CYSLTR2: variants seen among roughly 807,000 people sequenced by gnomAD.
The protein encoded by CYSLTR2 is G-protein coupled receptor GPCR21.
For missense variants in CYSLTR2, 398 were observed against 411.9 expected, an observed-to-expected ratio of 0.97 and a Z score of 0.29; for synonymous variants, 179 against 160.8, an observed-to-expected ratio of 1.11 and a Z score of -0.86.
At chr13:48,692,557 A>C (rs1210015733) in intron 2 of CYSLTR2, among the ~76,000 whole-genome samples, 7 of 151,454 alleles carry the variant, frequency 4.6e-5, no homozygotes, top group Non-Finnish European at 8.9e-5. Context: ...AGATAAAATA[A>C]TATGTATGTC....
rs180795456 is a variant in CYSLTR2 at position 48,703,893 on chromosome 13, A to T, written c.-1-2924A>T. Among the ~76,000 whole-genome samples, 219 of 152,278 alleles carry T rather than the reference A, an allele frequency of 1.4e-3. 1 individual carries two copies. Among genetic ancestry groups the T allele is most frequent in the Non-Finnish European group, 1.6e-3 (108 of 68,008 alleles). ...TTTTTTGAGAGTTTTTCAATTGAGAATTTAATTTCCTTAATAGTTATGGGG... is the reference window on the plus strand; with the variant it reads ...TTTTTTGAGAGTTTTTCAATTGAGATTTTAATTTCCTTAATAGTTATGGGG... On this transcript the variant is annotated intron_variant, in intron 4 of 4. Coordinates refer to ENST00000682523, the MANE Select transcript of CYSLTR2 (RefSeq NM_001308476.3).
At chr13:48,674,792 T>A (rs980039436) in intron 1 of CYSLTR2, among the ~76,000 whole-genome samples, 1 of 152,176 alleles carries the variant, frequency 6.6e-6, no homozygotes, top group African/African-American at 2.4e-5. Flanking sequence ...CTGGTGACCT[T>A]TGGATGGGAT....
intron 1 of CYSLTR2, among the ~76,000 whole-genome samples, chr13:48,675,966 C>T (rs559380867): frequency 2.0e-4 from 31 of 152,210 alleles, no homozygotes; most frequent in South Asian, 6.2e-4. Flanking sequence ...GCTCACCCCC[C>T]ATGGGCTGTG....
chr13:48,709,786 A>G lies in CYSLTR2; in HGVS notation c.*1928A>G, dbSNP rs1954593294. 6.6e-6 allele frequency: 1 copy of G among 152,194 alleles called. No individual in the cohort carries two copies. Among genetic ancestry groups the G allele is most frequent in the Admixed American group, 6.5e-5 (1 of 15,274 alleles). The allele number at this position is 152,194 out of a possible 1,614,324, so 9.4% of individuals were successfully genotyped here. On this transcript the variant is annotated 3_prime_UTR_variant, in exon 5 of 5. Transcript: ENST00000682523. ...TAGAGGAAAACACAGTAGCTGGGAA[A>G]CAAGGAATCCAACGCAGGAGAAAGT... is the stretch of plus-strand genomic sequence containing the variant.
chr13:48,700,384 T>A (rs543628159), intron 4 of CYSLTR2, among the ~76,000 whole-genome samples: 1 of 152,228 alleles, frequency 6.6e-6, no homozygotes, highest in Non-Finnish European at 1.5e-5. Flanking sequence ...TCAATAAACG[T>A]AATCCATCAT....
chr13:48,674,350 A>C (rs979668453), intron 1 of CYSLTR2, among the ~76,000 whole-genome samples: 1 of 151,990 alleles, frequency 6.6e-6, no homozygotes, highest in African/African-American at 2.4e-5. Context: ...TCTTGTCTTC[A>C]TGCTTTATTT....
At chr13:48,703,369 G>A (rs1051645581) in intron 4 of CYSLTR2, among the ~76,000 whole-genome samples, 33 of 152,280 alleles carry the variant, frequency 2.2e-4, no homozygotes, top group African/African-American at 7.5e-4. Context: ...ATAAGACAGT[G>A]AGAATGGGCA....
rs1230105823 is a variant in CYSLTR2 at position 48,710,698 on chromosome 13, T to C, written c.*2840T>C. 2 of 152,208 alleles carry C rather than the reference T, an allele frequency of 1.3e-5. No individual in the cohort carries two copies. Among genetic ancestry groups the C allele is most frequent in the African/African-American group, 4.8e-5 (2 of 41,438 alleles). 9.4% of individuals were successfully genotyped at this position (152,208 alleles called of 1,614,324 possible). A position where few individuals can be genotyped will look rare whatever the true frequency, so the allele number is the denominator to read the frequency against. On this transcript the variant is annotated 3_prime_UTR_variant, in exon 5 of 5. Coordinates refer to ENST00000682523, the MANE Select transcript of CYSLTR2 (RefSeq NM_001308476.3). The stretch of plus-strand genomic sequence containing the variant: ...CACCACAAGCTGCAAAAATTATTTA[T>C]TACACCCCACGGTGTGTGATAAACA...
Position 48,710,398 on chromosome 13 carries a change from C to T in CYSLTR2, c.*2540C>T, listed in dbSNP as rs1281314564. 1 of 152,158 alleles carries T rather than the reference C, an allele frequency of 6.6e-6. No individual in the cohort carries two copies. Among genetic ancestry groups the T allele is most frequent in the East Asian group, 1.9e-4 (1 of 5,198 alleles). 9.4% of individuals were successfully genotyped at this position (152,158 alleles called of 1,614,324 possible). A position where few individuals can be genotyped will look rare whatever the true frequency, so the allele number is the denominator to read the frequency against. On this transcript the variant is annotated 3_prime_UTR_variant, in exon 5 of 5. Coordinates refer to ENST00000682523, the MANE Select transcript of CYSLTR2 (RefSeq NM_001308476.3). Reference sequence around the variant, plus strand: ...GAGTCACTTAGTCATCATCCAGTTGCTCAGATCAACTGTTGTGGTATAACA... The same window carrying T: ...GAGTCACTTAGTCATCATCCAGTTGTTCAGATCAACTGTTGTGGTATAACA...
chr13:48,656,313 T>C (rs1952996336), intron 1 of CYSLTR2, among the ~76,000 whole-genome samples: 1 of 152,236 alleles, frequency 6.6e-6, no homozygotes, highest in African/African-American at 2.4e-5. Flanking sequence ...ATCTGAGTTT[T>C]GTACATTATT....
At position 48,707,565 on chromosome 13, in the gene CYSLTR2, A is replaced by T; in HGVS notation, c.748A>T (p.Ile250Phe). Residue 250 changes from isoleucine to phenylalanine, a missense_variant, in exon 5 of 5, where the codon ATC becomes TTC. Ile to Phe is a conservative substitution (Grantham distance 21). Coordinates refer to ENST00000682523, the MANE Select transcript of CYSLTR2 (RefSeq NM_001308476.3). ...VSHRKALTTIIITLIIFFLCF... is the reference protein window; with the variant it reads ...VSHRKALTTIFITLIIFFLCF... ...TCACAGGAAGGCACTGACCACCATC[A>T]TCATCACCTTGATCATCTTCTTCTT... 1 of 1,608,664 alleles carries T rather than the reference A, an allele frequency of 6.2e-7. No individual in the cohort carries two copies. Among genetic ancestry groups the T allele is most frequent in the Non-Finnish European group, 8.5e-7 (1 of 1,179,996 alleles).
Position 48,707,511 on chromosome 13 carries a change from G to A in CYSLTR2, c.694G>A (p.Glu232Lys). 2 of 1,611,216 alleles carry A rather than the reference G, an allele frequency of 1.2e-6. No individual in the cohort carries two copies. Among genetic ancestry groups the A allele is most frequent in the Non-Finnish European group, 1.7e-6 (2 of 1,180,016 alleles). Residue 232 changes from glutamate to lysine, a missense_variant, in exon 5 of 5, where the codon GAG becomes AAG. By Grantham distance (56) the Glu-to-Lys change is moderately conservative. Coordinates refer to ENST00000682523, the MANE Select transcript of CYSLTR2 (RefSeq NM_001308476.3). ...LLIIRVLLKV[E>K]VPESGLRVSH... ...GATCATTCGGGTTCTGTTAAAAGTG[G>A]AGGTCCCAGAATCGGGGCTGCGGGT...
intron 1 of CYSLTR2, among the ~76,000 whole-genome samples, chr13:48,657,661 T>A (rs964025284): frequency 1.3e-5 from 2 of 151,826 alleles, no homozygotes; most frequent in African/African-American, 4.8e-5. Flanking sequence ...AAATAAGAAT[T>A]TATTATAAAA....
In CYSLTR2 at chr13:48,680,562, G is replaced by T. The variant is rs184433357; in HGVS notation, c.-265-10650G>T. Among the ~76,000 whole-genome samples, 4 of 152,284 alleles carry T rather than the reference G, an allele frequency of 2.6e-5. No homozygotes were observed. The East Asian group carries it at 7.7e-4, about 29-fold the overall frequency. The stretch of plus-strand genomic sequence containing the variant: ...AATTACCAGCAAAGCTGCAGGAGAT[G>T]AAGTCTTCATTCTGTATTTGTTCTG... On this transcript the variant is annotated intron_variant, in intron 1 of 4. Coordinates refer to ENST00000682523, the MANE Select transcript of CYSLTR2 (RefSeq NM_001308476.3).
intron 1 of CYSLTR2, among the ~76,000 whole-genome samples, chr13:48,683,580 A>G (rs1028061026): frequency 5.3e-5 from 8 of 151,212 alleles, no homozygotes; most frequent in Admixed American, 3.9e-4. Context: ...TTTTTAACGG[A>G]GTTTTTTTTT....
intron 1 of CYSLTR2, among the ~76,000 whole-genome samples, chr13:48,683,809 A>T (rs1318122936): frequency 1.3e-5 from 2 of 152,178 alleles, no homozygotes; most frequent in African/African-American, 4.8e-5. Context: ...TCTTTGCCAG[A>T]CAGGGAACTA....
Position 48,707,445 on chromosome 13 carries a change from T to C in CYSLTR2, c.628T>C (p.Cys210Arg). 2.5e-6 allele frequency: 4 copies of C among 1,614,114 alleles called. No individual in the cohort carries two copies. Among genetic ancestry groups the C allele is most frequent in the Middle Eastern group, 1.6e-4 (1 of 6,062 alleles). Residue 210 changes from cysteine to arginine, a missense_variant, in exon 5 of 5, where the codon TGC becomes CGC. Physicochemically the swap from Cys to Arg is radical, Grantham distance 180. Coordinates refer to ENST00000682523, the MANE Select transcript of CYSLTR2 (RefSeq NM_001308476.3). ...GAACTATATTGCCTTGGTGGTGGGCTGCCTGCTGCCATTTTTCACACTCAG... is the reference window on the plus strand; with the variant it reads ...GAACTATATTGCCTTGGTGGTGGGCCGCCTGCTGCCATTTTTCACACTCAG... Reference protein sequence around the residue: ...TMNYIALVVGCLLPFFTLSIC... With the variant: ...TMNYIALVVGRLLPFFTLSIC...
chr13:48,659,580 A>G (rs1329447037), intron 1 of CYSLTR2, among the ~76,000 whole-genome samples: 3 of 152,204 alleles, frequency 2.0e-5, no homozygotes, highest in Non-Finnish European at 4.4e-5. Flanking sequence ...TTTTAATTTG[A>G]ATAAATGGGC....
chr13:48,657,367 C>T (rs1473058808), intron 1 of CYSLTR2, among the ~76,000 whole-genome samples: 1 of 152,016 alleles, frequency 6.6e-6, no homozygotes, highest in Non-Finnish European at 1.5e-5. Context: ...CGGAAGGGTC[C>T]TTAGGAAGAG....
Sources: gnomAD v4.1 joint callset for allele counts (sites outside exome capture counted in the v4.1 genomes callset) on GRCh38, gnomAD v4.1.1 for gene constraint, MANE v1.5 for transcripts, NCBI Gene and HGNC (gene_info 2026-07-23, HGNC 2026-07-21) for gene names.